The following CCDC158 variants were observed in gnomAD, a reference collection of about 807,000 sequenced individuals.
CCDC158 encodes coiled-coil domain-containing protein 158.
In CCDC158, 116 loss-of-function variants were observed where a neutral mutation model predicts 138.6. That is an observed-to-expected ratio of 0.84 (90% CI 0.72 to 0.98). CCDC158 has a LOEUF of 0.98. CCDC158 is among the 50% of genes least tolerant of loss of function. The probability of loss-of-function intolerance (pLI) is 0.00; values close to 1 mark genes in which losing one functional copy is unlikely to be tolerated. For synonymous variants in CCDC158, 436 were observed against 442.4 expected, an observed-to-expected ratio of 0.99 and a Z score of 0.18; for missense variants, 1,265 against 1,306.1, an observed-to-expected ratio of 0.97 and a Z score of 0.48.
intron 3 of CCDC158, among the ~76,000 whole-genome samples, chr4:76,398,909 T>C (rs755375382): frequency 4.6e-5 from 7 of 152,130 alleles, no homozygotes; most frequent in Non-Finnish European, 1.0e-4. Context: ...ATACAATTCA[T>C]GATCTTTGAT....
chr4:76,404,652 G>A (rs953322656), intron 2 of CCDC158, among the ~76,000 whole-genome samples: 5 of 152,096 alleles, frequency 3.3e-5, no homozygotes, highest in Admixed American at 6.5e-5. Context: ...AGCGATGACA[G>A]GTTGTAATAA....
intron 9 of CCDC158, 83 bp from the exon 10 acceptor site, chr4:76,371,619 G>T: frequency 6.7e-7 from 1 of 1,495,456 alleles, no homozygotes. Context: ...AAAACAAATG[G>T]TATTATTTTG....
intron 11 of CCDC158, among the ~76,000 whole-genome samples, chr4:76,368,236 C>A (rs942743832): frequency 5.9e-5 from 9 of 151,984 alleles, no homozygotes; most frequent in Admixed American, 2.0e-4. Flanking sequence ...ATAACCCTGG[C>A]AATGGGGGGA....
chr4:76,376,921 T>C (rs1295042360), intron 9 of CCDC158, among the ~76,000 whole-genome samples: 1 of 152,240 alleles, frequency 6.6e-6, no homozygotes, highest in Non-Finnish European at 1.5e-5. Context: ...AAATTCTTGC[T>C]CAGCCACTAT....
intron 10 of CCDC158, among the ~76,000 whole-genome samples, chr4:76,370,036 T>G (rs1725085552): frequency 6.6e-6 from 1 of 152,198 alleles, no homozygotes; most frequent in African/African-American, 2.4e-5. Flanking sequence ...GATGGCAGAA[T>G]AGTGGCTGGT....
intron 12 of CCDC158, 22 bp downstream of exon 12, chr4:76,367,272 A>G: frequency 6.3e-7 from 1 of 1,592,332 alleles, no homozygotes; most frequent in African/African-American, 1.4e-5. Flanking sequence ...CAGAAGTTAA[A>G]TCACAAAAAA....
chr4:76,322,146 A>T (rs889578523), intron 24 of CCDC158, among the ~76,000 whole-genome samples: 23 of 151,284 alleles, frequency 1.5e-4, no homozygotes, highest in East Asian at 5.8e-4. Flanking sequence ...ATTGAAATTT[A>T]AAAAAAAATG....
chr4:76,380,712 G>GTAAAC (rs367813488), intron 8 of CCDC158, among the ~76,000 whole-genome samples: 1 of 151,354 alleles, frequency 6.6e-6, no homozygotes, highest in African/African-American at 2.5e-5. Context: ...ATTTGCATAA[G>GTAAAC]AAGAGGTGCA....
intron 2 of CCDC158, among the ~76,000 whole-genome samples, chr4:76,408,264 G>A (rs958213439): frequency 2.6e-5 from 4 of 151,768 alleles, no homozygotes; most frequent in Admixed American, 6.6e-5. Flanking sequence ...GTACACATGT[G>A]CTATGTTGGT....
chr4:76,369,695 T>G, intron 10 of CCDC158, 72 bp from the exon 11 acceptor site: 1 of 1,356,220 alleles, frequency 7.4e-7, no homozygotes. Context: ...TGTCTTTATA[T>G]CATATTTGGA....
At chr4:76,395,146 T>G (rs1449386921) in intron 4 of CCDC158, among the ~76,000 whole-genome samples, 34 of 152,304 alleles carry the variant, frequency 2.2e-4, no homozygotes, top group Non-Finnish European at 1.5e-5. Context: ...ATTAAGACAC[T>G]GTTTCTTCTC....
intron 9 of CCDC158, chr4:76,375,431 C>T (rs1579014271): frequency 3.6e-6 from 2 of 548,952 alleles, no homozygotes; most frequent in South Asian, 5.2e-5. Flanking sequence ...ATGCTACAGG[C>T]CAGCATGGCG....
chr4:76,405,828 A>C (rs892378950), intron 2 of CCDC158, among the ~76,000 whole-genome samples: 2 of 152,194 alleles, frequency 1.3e-5, no homozygotes, highest in African/African-American at 4.8e-5. Flanking sequence ...GTACAAAAGT[A>C]ACCACTAGAG....
rs556134655 is a variant in CCDC158, at chr4:76,381,710, C to T, written c.914+900G>A. Among the ~76,000 whole-genome samples, 8 of 152,248 alleles carry T rather than the reference C, an allele frequency of 5.3e-5. 1 individual carries two copies. The South Asian group carries it at 1.7e-3, about 32-fold the overall frequency. On this transcript the variant is annotated intron_variant, in intron 8 of 24. Coordinates refer to ENST00000682701, the MANE Select transcript of CCDC158 (RefSeq NM_001394954.1). ...ATTTTTTTTATTTTTGAGATGGAGT[C>T]TTGCTCTGTCGCCCAGGTTGGAGTG...
chr4:76,370,451 G>T (rs1026096114), intron 10 of CCDC158, among the ~76,000 whole-genome samples: 1 of 152,178 alleles, frequency 6.6e-6, no homozygotes, highest in Non-Finnish European at 1.5e-5. Flanking sequence ...TATTGAAAGG[G>T]AGGGTGTCTG....
At chr4:76,359,096 TTCTCTC>T (rs35311653) in intron 13 of CCDC158, among the ~76,000 whole-genome samples, 4 of 149,206 alleles carry the variant, frequency 2.7e-5, no homozygotes, top group Admixed American at 6.7e-5. Context: ...CACCTCCCTC[TTCTCTC>T]TCTCTCTCTC....
intron 11 of CCDC158, 110 bp from the exon 12 acceptor site, chr4:76,367,886 A>T: frequency 2.0e-6 from 2 of 987,096 alleles, no homozygotes; most frequent in Non-Finnish European, 1.4e-6. Flanking sequence ...GGCAATGTTT[A>T]GTAAGATCTT....
intron 15 of CCDC158, among the ~76,000 whole-genome samples, chr4:76,354,081 G>C (rs942595690): frequency 1.3e-5 from 2 of 151,974 alleles, no homozygotes; most frequent in Non-Finnish European, 2.9e-5. Context: ...AATTGTATAG[G>C]CTTTCTCCTT....
chr4:76,376,233 G>A (rs1725707556), intron 9 of CCDC158, among the ~76,000 whole-genome samples: 1 of 151,832 alleles, frequency 6.6e-6, no homozygotes, highest in Non-Finnish European at 1.5e-5. Flanking sequence ...TTTTATTTTT[G>A]TTTTTATTTT....
Sources: gnomAD v4.1 joint callset for allele counts (sites outside exome capture counted in the v4.1 genomes callset) on GRCh38, gnomAD v4.1.1 for gene constraint, MANE v1.5 for transcripts, NCBI Gene and HGNC (gene_info 2026-07-23, HGNC 2026-07-21) for gene names.